TEX14: variants seen among roughly 807,000 people sequenced by gnomAD.
TEX14 encodes testis expressed 14, intercellular bridge forming factor, also known as inactive serine/threonine-protein kinase TEX14.
In TEX14, 168 loss-of-function variants were observed where a neutral mutation model predicts 178.6. That is an observed-to-expected ratio of 0.94 (90% confidence interval 0.83 to 1.07). The LOEUF (loss-of-function observed/expected upper bound fraction) is 1.07. Ranked by LOEUF, TEX14 falls within the 50% of genes least tolerant of loss-of-function variation. TEX14 has a pLI of 0.00. For synonymous variants in TEX14, 626 were observed against 634.1 expected, an observed-to-expected ratio of 0.99 and a Z score of 0.19; for missense variants, 1,730 against 1,753.6, an observed-to-expected ratio of 0.99 and a Z score of 0.24.
intron 5 of TEX14, among the ~76,000 whole-genome samples, chr17:58,618,176 A>G (rs1350810172): frequency 1.3e-5 from 2 of 152,210 alleles, no homozygotes; most frequent in African/African-American, 2.4e-5. Flanking sequence ...TTCCTGACCC[A>G]CAGAAATTGT....
chr17:58,571,992 G>A lies in TEX14; in HGVS notation c.3646C>T (p.Arg1216Ter), dbSNP rs756124299. Residue 1216 changes from arginine to a stop codon, truncating the protein, a stop_gained, in exon 24 of 32, where the codon CGA becomes TGA. Transcript: ENST00000349033. LOFTEE classifies it high-confidence loss of function. ...QTLSDDFISV[R>*]ERAKKLDSLL... ...GAATCCAGTTTCTTTGCTCTCTCTC[G>A]GACACTTATAAAGTCATCAGACAAA... 1.4e-5 allele frequency: 22 copies of A among 1,613,908 alleles called. 1 individual carries two copies. The highest frequency in any genetic ancestry group is 1.7e-5 in the Admixed American group (1 of 59,986).
chr17:58,666,502 A>G (rs2047211052), intron 1 of TEX14: 1 of 149,538 alleles, frequency 6.7e-6, no homozygotes, highest in Non-Finnish European at 1.5e-5. Flanking sequence ...AAGCTAATAC[A>G]CAACTAACAA....
At chr17:58,659,360 A>G in intron 1 of TEX14, 1 of 979,116 alleles carries the variant, frequency 1.0e-6, no homozygotes, top group Non-Finnish European at 1.2e-6. Flanking sequence ...CAACATACTC[A>G]TGGCAAATTG....
rs2045909956 is a variant in TEX14, at chr17:58,617,905, A to G, written c.555-286T>C. Among the ~76,000 whole-genome samples, 5 of 152,182 alleles carry G rather than the reference A, an allele frequency of 3.3e-5. No homozygotes were observed. The South Asian group carries it at 1.0e-3, about 31-fold the overall frequency. ...AAAACAGTGATAGTCTCTCACTTTG[A>G]GGCTAAATCTACCAAGGCGTCAGCC... On this transcript the variant is annotated intron_variant, in intron 5 of 31. Coordinates refer to ENST00000349033, the MANE Select transcript of TEX14 (RefSeq NM_031272.5).
chr17:58,570,544 A>G, intron 24 of TEX14, 60 bp from the exon 25 acceptor site: 1 of 1,193,618 alleles, frequency 8.4e-7, no homozygotes, highest in Non-Finnish European at 1.2e-6. Flanking sequence ...AGGCATATGC[A>G]GCTCAGTCAT....
Position 58,611,283 on chromosome 17 carries a change from T to C in TEX14, c.1062A>G (p.Ile354Met). ...MEVIVHLLLQ[I>M]SDALRYLHFQ... ...AATGCAGGTATCTCAGGGCATCAGA[T>C]ATCTGGAGCAGCAGGTGCACAATCA... Residue 354 changes from isoleucine to methionine, a missense_variant, in exon 10 of 32, where the codon ATA becomes ATG. By Grantham distance (10) the Ile-to-Met change is conservative. Transcript: ENST00000349033. The C allele has an allele frequency of 2.5e-6, 4 of 1,613,520 alleles. No individual in the cohort carries two copies. The highest frequency in any genetic ancestry group is 3.4e-6 in the Non-Finnish European group (4 of 1,179,618).
intron 23 of TEX14, among the ~76,000 whole-genome samples, chr17:58,572,750 C>T (rs542549094): frequency 2.3e-4 from 35 of 151,514 alleles, no homozygotes; most frequent in Non-Finnish European, 4.1e-4. Context: ...ATAAAATAAA[C>T]GGTGATTTTT....
intron 11 of TEX14, among the ~76,000 whole-genome samples, chr17:58,602,815 C>G (rs1257171156): frequency 6.6e-6 from 1 of 151,986 alleles, no homozygotes; most frequent in Non-Finnish European, 1.5e-5. Context: ...CACCTGTAAT[C>G]CCAGCACTTT....
chr17:58,559,319 G>A (rs2044222460), intron 30 of TEX14, 134 bp downstream of exon 30: 1 of 561,978 alleles, frequency 1.8e-6, no homozygotes, highest in African/African-American at 1.9e-5. Context: ...AACCTGAGCT[G>A]AACTGCAGAG....
intron 17 of TEX14, among the ~76,000 whole-genome samples, chr17:58,587,096 T>A (rs2044995828): frequency 6.6e-6 from 1 of 152,204 alleles, no homozygotes; most frequent in Admixed American, 6.5e-5. Context: ...TATTTCAATG[T>A]TTAATATTAG....
chr17:58,573,028 C>T (rs2044577233), intron 23 of TEX14, among the ~76,000 whole-genome samples, 153 bp downstream of exon 23: 1 of 152,276 alleles, frequency 6.6e-6, no homozygotes. Flanking sequence ...GCCCCCTGGC[C>T]TACAATGGGA....
At chr17:58,559,114 G>A (rs1404608887) in intron 30 of TEX14, among the ~76,000 whole-genome samples, 1 of 152,126 alleles carries the variant, frequency 6.6e-6, no homozygotes, top group Non-Finnish European at 1.5e-5. Flanking sequence ...AGGTTGCGAT[G>A]AGCCGAGATC....
intron 1 of TEX14, among the ~76,000 whole-genome samples, chr17:58,673,784 C>T (rs1283727203): frequency 6.6e-6 from 1 of 151,898 alleles, no homozygotes; most frequent in African/African-American, 2.4e-5. Flanking sequence ...TGTTGCCCAG[C>T]TTGGTCTCAA....
intron 11 of TEX14, 38 bp downstream of exon 11, chr17:58,604,940 A>G (rs1376587584): frequency 6.2e-7 from 1 of 1,610,788 alleles, no homozygotes; most frequent in East Asian, 2.2e-5. Flanking sequence ...CAACCTAAGA[A>G]TAGGGACTTT....
intron 3 of TEX14, among the ~76,000 whole-genome samples, chr17:58,627,274 G>A (rs551366149): frequency 2.2e-4 from 33 of 152,214 alleles, no homozygotes; most frequent in Non-Finnish European, 3.7e-4. Flanking sequence ...AAAGAAATCA[G>A]CTTTAAGCCT....
chr17:58,631,791 T>G (rs76804252), intron 2 of TEX14: 1 of 152,060 alleles, frequency 6.6e-6, no homozygotes, highest in Admixed American at 6.6e-5. Context: ...TCAGATATAC[T>G]CCTCGAGAAA....
intron 3 of TEX14, among the ~76,000 whole-genome samples, chr17:58,628,143 A>T (rs1469260360): frequency 6.6e-6 from 1 of 152,020 alleles, no homozygotes; most frequent in African/African-American, 2.4e-5. Flanking sequence ...AAGGAAACAC[A>T]ACAAAATGTT....
At chr17:58,631,651 C>A (rs1190363659) in intron 2 of TEX14, 1 of 151,116 alleles carries the variant, frequency 6.6e-6, no homozygotes, top group East Asian at 1.9e-4. Context: ...ACTACTCAGA[C>A]TGCCTTCTCT....
At position 58,587,678 on chromosome 17, in the gene TEX14, G is replaced by A. The variant is rs370545092; in HGVS notation, c.2703-12C>T. 333 of 1,587,196 alleles carry A rather than the reference G, an allele frequency of 2.1e-4. 3 individuals are homozygous for A. In the South Asian group the frequency reaches 2.4e-3, roughly 12 times the overall value. On this transcript the variant is annotated splice_polypyrimidine_tract_variant and intron_variant, in intron 16 of 31. Transcript: ENST00000349033. Reference sequence around the variant, plus strand: ...GTTCCACACTCATCCTGAATTGCACGGGTTTTTTGGAGGTAGGGGGAGCGG... The same window carrying A: ...GTTCCACACTCATCCTGAATTGCACAGGTTTTTTGGAGGTAGGGGGAGCGG...
Sources: gnomAD v4.1 joint callset for allele counts (sites outside exome capture counted in the v4.1 genomes callset) on GRCh38, gnomAD v4.1.1 for gene constraint, MANE v1.5 for transcripts, NCBI Gene and HGNC (gene_info 2026-07-23, HGNC 2026-07-21) for gene names.